The following SLC24A3 variants were observed in gnomAD, a reference collection of about 807,000 sequenced individuals.
SLC24A3 encodes the protein sodium/potassium/calcium exchanger 3.
In SLC24A3, 28 loss-of-function variants were observed where a neutral mutation model predicts 75.8. The ratio of observed to expected loss-of-function variants is 0.37; its 90% CI spans 0.27 to 0.51. The LOEUF is 0.51. Ranked by LOEUF, SLC24A3 falls within the 20% of genes least tolerant of loss-of-function variation. SLC24A3 has a pLI of 0.94. For missense variants in SLC24A3, 663 were observed against 847.8 expected (o/e 0.78, Z 2.71); for synonymous variants, 372 against 334.1 (o/e 1.11, Z -1.24).
chr20:19,358,052 T>C (rs1401700083), intron 2 of SLC24A3, among the ~76,000 whole-genome samples: 1 of 152,234 alleles, frequency 6.6e-6, no homozygotes, highest in Non-Finnish European at 1.5e-5. Context: ...GCCCTCCAGC[T>C]CAGCTATATG....
chr20:19,633,672 A>G (rs2031965664), intron 6 of SLC24A3, among the ~76,000 whole-genome samples: 1 of 139,992 alleles, frequency 7.1e-6, no homozygotes, highest in South Asian at 2.4e-4. Flanking sequence ...AAAAAAAAAG[A>G]ATGCCAGTAG....
chr20:19,639,988 G>A (rs1312815784), intron 6 of SLC24A3, among the ~76,000 whole-genome samples: 4 of 152,240 alleles, frequency 2.6e-5, no homozygotes, highest in Non-Finnish European at 1.5e-5. Context: ...AGCGCGGAGC[G>A]CAGCCCTGAT....
chr20:19,658,348 C>T (rs2032288641), intron 7 of SLC24A3, among the ~76,000 whole-genome samples: 1 of 152,136 alleles, frequency 6.6e-6, no homozygotes, highest in Admixed American at 6.5e-5. Context: ...CGGGGCATGC[C>T]GAGGTGGACA....
At position 19,523,475 on chromosome 20, in the gene SLC24A3, A is replaced by G. The variant is rs569264783; in HGVS notation, c.348+7911A>G. On this transcript the variant is annotated intron_variant, in intron 3 of 16. Coordinates refer to ENST00000328041, the MANE Select transcript of SLC24A3 (RefSeq NM_020689.4). ...CACAAAGAGAGTAAATTATGTTTCC[A>G]TACATCAGTGATTTAAATCACTGCC... 3.9e-5 allele frequency among the ~76,000 whole-genome samples: 6 copies of G among 152,356 alleles called. No individual in the cohort carries two copies. In the East Asian group the frequency reaches 1.2e-3, roughly 29 times the overall value.
At chr20:19,342,119 T>TA (rs1414233858) in intron 2 of SLC24A3, among the ~76,000 whole-genome samples, 1 of 152,252 alleles carries the variant, frequency 6.6e-6, no homozygotes, top group African/African-American at 2.4e-5. Flanking sequence ...CCTGTAAGAA[T>TA]AGTCATGTAA....
At chr20:19,592,950 C>T (rs1210335622) in intron 6 of SLC24A3, among the ~76,000 whole-genome samples, 5 of 152,006 alleles carry the variant, frequency 3.3e-5, no homozygotes, top group East Asian at 3.9e-4. Flanking sequence ...TGCCTGCCAC[C>T]ATGCCTGGCT....
chr20:19,370,634 C>T (rs1041183727), intron 2 of SLC24A3, among the ~76,000 whole-genome samples: 1 of 152,220 alleles, frequency 6.6e-6, no homozygotes, highest in African/African-American at 2.4e-5. Flanking sequence ...AAATCATGCT[C>T]CTGTGCCAGG....
intron 3 of SLC24A3, among the ~76,000 whole-genome samples, chr20:19,561,733 A>G (rs1368618409): frequency 6.6e-6 from 1 of 152,172 alleles, no homozygotes; most frequent in Admixed American, 6.5e-5. Context: ...TTTTGCACAT[A>G]TTATCCACTT....
chr20:19,507,210 A>G (rs1429905954), intron 2 of SLC24A3, among the ~76,000 whole-genome samples: 1 of 152,230 alleles, frequency 6.6e-6, no homozygotes, highest in African/African-American at 2.4e-5. Context: ...ATTTTGCTAG[A>G]CACCAGGGCT....
In SLC24A3 at chr20:19,684,309, C is replaced by T. The variant is rs2032648183; in HGVS notation, c.1035C>T (p.Ser345=). ...ACTTTCCCCCCAAGACCCGGCTCTC[C>T]ATGGCCAGTCGCATGTTGATCAATG... The part of the protein sequence containing the change: ...TSHFPPKTRL[S]MASRMLINER... The change falls in exon 11 of 17, where the codon TCC becomes TCT. Residue 345 remains serine (S), a synonymous_variant. Coordinates refer to ENST00000328041, the MANE Select transcript of SLC24A3 (RefSeq NM_020689.4). 2 of 1,614,072 alleles carry T rather than the reference C, an allele frequency of 1.2e-6. No homozygotes were observed. Among genetic ancestry groups the T allele is most frequent in the Non-Finnish European group, 8.5e-7 (1 of 1,179,992 alleles).
intron 2 of SLC24A3, among the ~76,000 whole-genome samples, chr20:19,432,883 A>G (rs1393161983): frequency 6.6e-6 from 1 of 152,102 alleles, no homozygotes; most frequent in Non-Finnish European, 1.5e-5. Context: ...TCTGCTTTTT[A>G]TTTTTGCCTA....
At chr20:19,479,302 C>A (rs1988014068) in intron 2 of SLC24A3, among the ~76,000 whole-genome samples, 1 of 152,366 alleles carries the variant, frequency 6.6e-6, no homozygotes, top group South Asian at 2.1e-4. Context: ...TTCCACTTTA[C>A]CCATTTTGCA....
At chr20:19,340,517 C>A (rs1413857699) in intron 2 of SLC24A3, among the ~76,000 whole-genome samples, 1 of 152,190 alleles carries the variant, frequency 6.6e-6, no homozygotes, top group Non-Finnish European at 1.5e-5. Flanking sequence ...CAAACGAATA[C>A]AGATGGTGTC....
intron 2 of SLC24A3, among the ~76,000 whole-genome samples, chr20:19,431,773 T>C (rs1987108371): frequency 6.6e-6 from 1 of 152,088 alleles, no homozygotes; most frequent in Non-Finnish European, 1.5e-5. Context: ...CAAGGTGTTT[T>C]CTCTGTCTGA....
At chr20:19,690,180 A>C (rs2032730059) in intron 12 of SLC24A3, among the ~76,000 whole-genome samples, 1 of 152,218 alleles carries the variant, frequency 6.6e-6, no homozygotes, top group South Asian at 2.1e-4. Context: ...TGATTCAGAT[A>C]ATGCTCATTG....
chr20:19,524,766 C>T (rs1041504384), intron 3 of SLC24A3, among the ~76,000 whole-genome samples: 4 of 152,156 alleles, frequency 2.6e-5, no homozygotes, highest in Non-Finnish European at 5.9e-5. Flanking sequence ...AACATAGTTA[C>T]ATGTTGACTA....
intron 2 of SLC24A3, among the ~76,000 whole-genome samples, chr20:19,368,149 TG>T (rs1263107894): frequency 6.6e-6 from 1 of 150,848 alleles, no homozygotes; most frequent in Non-Finnish European, 1.5e-5. Flanking sequence ...GTTAACATGT[TG>T]GGGGCAGTTG....
At chr20:19,343,860 A>T (rs1001549419) in intron 2 of SLC24A3, among the ~76,000 whole-genome samples, 1 of 152,220 alleles carries the variant, frequency 6.6e-6, no homozygotes, top group Non-Finnish European at 1.5e-5. Flanking sequence ...GGACTAGGAC[A>T]TGATTTTTAC....
At chr20:19,604,685 C>T (rs751185556) in intron 6 of SLC24A3, among the ~76,000 whole-genome samples, 4 of 152,302 alleles carry the variant, frequency 2.6e-5, no homozygotes, top group Non-Finnish European at 5.9e-5. Flanking sequence ...ATTGCTAACA[C>T]GACCTCAAGT....
Sources: allele counts gnomAD v4.1 joint callset (sites outside exome capture counted in the v4.1 genomes callset), GRCh38; gene constraint gnomAD v4.1.1; transcripts MANE v1.5; gene names NCBI Gene and HGNC (gene_info 2026-07-23, HGNC 2026-07-21).